KLF8: variants seen among roughly 807,000 people sequenced by gnomAD.
KLF8 encodes KLF transcription factor 8, also known as Krueppel-like factor 8.
In KLF8, 10 loss-of-function variants were observed where a neutral mutation model predicts 18.2. The ratio of observed to expected loss-of-function variants is 0.55; its 90% CI spans 0.34 to 0.93. The LOEUF (loss-of-function observed/expected upper bound fraction) is 0.93. Ranked by LOEUF, KLF8 falls within the 40% of genes least tolerant of loss-of-function variation. KLF8 has a pLI of 0.02. For missense variants in KLF8, 264 were observed against 277.9 expected (o/e 0.95, Z 0.36); for synonymous variants, 109 against 97.3 (o/e 1.12, Z -0.71).
chrX:55,967,321 A>G, the KLF8 span, among the ~76,000 whole-genome samples: 2 of 111,508 alleles, frequency 1.8e-5, no homozygotes, highest in African/African-American at 6.5e-5. Flanking sequence ...TTAATAATCA[A>G]ACTCTCAAAG....
At chrX:56,197,668 G>A in the KLF8 span, among the ~76,000 whole-genome samples, 1 of 111,512 alleles carries the variant, frequency 9.0e-6, no homozygotes, top group Non-Finnish European at 1.9e-5. Context: ...TACAAAGAGG[G>A]ACTGGCACCA....
chrX:56,061,478 G>A, the KLF8 span, among the ~76,000 whole-genome samples: 6 of 111,858 alleles, frequency 5.4e-5, no homozygotes, highest in South Asian at 3.7e-4. Context: ...GTGGTTTTTA[G>A]TGAGTTTCTT....
the KLF8 span, among the ~76,000 whole-genome samples, chrX:56,186,014 C>G: frequency 8.9e-6 from 1 of 112,146 alleles, no homozygotes; most frequent in Non-Finnish European, 1.9e-5. Flanking sequence ...GGATCAAATT[C>G]ACACATAAAA....
the KLF8 span, among the ~76,000 whole-genome samples, chrX:55,962,754 T>G: frequency 8.9e-6 from 1 of 112,609 alleles, no homozygotes; most frequent in Non-Finnish European, 1.9e-5. Flanking sequence ...AAAGAGTTTA[T>G]ACATGCAAGA....
the KLF8 span, among the ~76,000 whole-genome samples, chrX:56,004,666 C>G: frequency 9.0e-6 from 1 of 111,420 alleles, no homozygotes; most frequent in African/African-American, 3.3e-5. Flanking sequence ...ATTTCGAAGT[C>G]TTGCGGGTAA....
the KLF8 span, among the ~76,000 whole-genome samples, chrX:56,074,052 T>C: frequency 8.7e-3 from 976 of 112,042 alleles, 15 homozygotes; most frequent in African/African-American, 0.03. Context: ...CTGGCAGTGA[T>C]GTTTAACATT....
chrX:56,171,452 C>T, the KLF8 span, among the ~76,000 whole-genome samples: 2 of 111,303 alleles, frequency 1.8e-5, no homozygotes, highest in Non-Finnish European at 3.8e-5. Context: ...TAAACATGTG[C>T]CATGTTGGTG....
At chrX:56,043,184 C>T in the KLF8 span, among the ~76,000 whole-genome samples, 13,298 of 110,228 alleles carry the variant, frequency 0.12, 1,391 homozygotes, top group African/African-American at 0.35. Context: ...CTGTGAGGTT[C>T]GCTGTTAATC....
chrX:56,076,789 C>G, the KLF8 span, among the ~76,000 whole-genome samples: 1 of 111,761 alleles, frequency 8.9e-6, no homozygotes, highest in Non-Finnish European at 1.9e-5. Context: ...TCTCCACATC[C>G]TCTCCAGCAC....
chrX:56,070,432 AAGAG>A, the KLF8 span, among the ~76,000 whole-genome samples: 1 of 109,754 alleles, frequency 9.1e-6, no homozygotes, highest in Non-Finnish European at 1.9e-5. Context: ...AAAAAAGAAA[AAGAG>A]AGAGAGAGAG....
chrX:55,979,317 A>G, the KLF8 span, among the ~76,000 whole-genome samples: 1 of 111,833 alleles, frequency 8.9e-6, no homozygotes, highest in Non-Finnish European at 1.9e-5. Flanking sequence ...CAGCTTATCC[A>G]TGCTGTGCAC....
chrX:56,162,981 A>G, the KLF8 span, among the ~76,000 whole-genome samples: 1 of 111,701 alleles, frequency 9.0e-6, no homozygotes, highest in African/African-American at 3.3e-5. Context: ...TATTTTCTTT[A>G]TCCATTCTAT....
At chrX:56,056,140 G>A in the KLF8 span, among the ~76,000 whole-genome samples, 4 of 111,459 alleles carry the variant, frequency 3.6e-5, no homozygotes, top group African/African-American at 1.3e-4. Context: ...AGGCACTCTG[G>A]CCTTTTGAGT....
the KLF8 span, among the ~76,000 whole-genome samples, chrX:56,179,565 T>G: frequency 8.9e-6 from 1 of 112,212 alleles, no homozygotes; most frequent in Middle Eastern, 4.2e-3. Flanking sequence ...CCCTGTCTTG[T>G]GACAGTTTTC....
At chrX:56,063,057 A>T in the KLF8 span, among the ~76,000 whole-genome samples, 2 of 110,886 alleles carry the variant, frequency 1.8e-5, no homozygotes, top group East Asian at 5.7e-4. Flanking sequence ...TCTAGTTAGC[A>T]TTTCCTCTAA....
At chrX:56,155,588 A>T in the KLF8 span, among the ~76,000 whole-genome samples, 1 of 111,908 alleles carries the variant, frequency 8.9e-6, no homozygotes, top group Admixed American at 9.5e-5. Flanking sequence ...CATGTACCCT[A>T]GAACTTAAAG....
chrX:55,909,579 G>A, the KLF8 span, among the ~76,000 whole-genome samples: 2 of 112,340 alleles, frequency 1.8e-5, no homozygotes, highest in Admixed American at 9.3e-5. Flanking sequence ...GCCTTCCCAG[G>A]ATATGGAGAC....
At chrX:56,076,058 G>A in the KLF8 span, among the ~76,000 whole-genome samples, 4 of 109,423 alleles carry the variant, frequency 3.7e-5, no homozygotes, top group African/African-American at 1.3e-4. Context: ...AATATGCAGT[G>A]TTTGGTTTTT....
the KLF8 span, among the ~76,000 whole-genome samples, chrX:56,091,197 A>C: frequency 2.7e-5 from 3 of 111,092 alleles, no homozygotes; most frequent in African/African-American, 9.8e-5. Context: ...AGTTTCCACC[A>C]TGCTATTCTT....
Sources: gnomAD v4.1 joint callset for allele counts (sites outside exome capture counted in the v4.1 genomes callset) on GRCh38, gnomAD v4.1.1 for gene constraint, MANE v1.5 for transcripts, NCBI Gene and HGNC (gene_info 2026-07-23, HGNC 2026-07-21) for gene names.